Variants in DSCAM observed in about 807,000 individuals in gnomAD.
DSCAM encodes cell adhesion molecule DSCAM.
Under a neutral mutation model 217.7 loss-of-function variants are expected in DSCAM, and 47 were observed. The ratio of observed to expected loss-of-function variants is 0.22; its 90% CI spans 0.17 to 0.28. The LOEUF is 0.28. Among genes scored for constraint, DSCAM ranks in the 10% least tolerant of loss-of-function variants. DSCAM has a pLI of 1.00. For missense variants in DSCAM, 2,080 were observed against 2,618.3 expected, an observed-to-expected ratio of 0.79 and a Z score of 4.49; for synonymous variants, 1,056 against 1,015.3, an observed-to-expected ratio of 1.04 and a Z score of -0.76.
intron 3 of DSCAM, among the ~76,000 whole-genome samples, chr21:40,464,528 C>T (rs2075829116): frequency 6.6e-6 from 1 of 152,176 alleles, no homozygotes; most frequent in Non-Finnish European, 1.5e-5. Context: ...TCTACAAGCA[C>T]TGTCCAAGCA....
chr21:40,500,725 G>T (rs2076164239), intron 3 of DSCAM, among the ~76,000 whole-genome samples: 1 of 152,182 alleles, frequency 6.6e-6, no homozygotes. Context: ...GAGGGTTAGT[G>T]GGCAGGAGTG....
At chr21:40,409,093 A>G in intron 3 of DSCAM, among the ~76,000 whole-genome samples, 1 of 152,218 alleles carries the variant, frequency 6.6e-6, no homozygotes, top group East Asian at 1.9e-4. Context: ...TTAAATACCT[A>G]AGGGTGTATT....
chr21:40,080,175 A>G lies in DSCAM; in HGVS notation c.4397T>C (p.Ile1466Thr), dbSNP rs770311896. The G allele has an allele frequency of 1.5e-5, 24 of 1,577,414 alleles. No homozygotes were observed. Among genetic ancestry groups the G allele is most frequent in the East Asian group, 4.7e-5 (2 of 42,432 alleles). ...ACCTTTTCCTAAGGTCTTTGCTTCT[A>G]TGATTTCACTTATGCGCCCTGGGCC... is the stretch of plus-strand genomic sequence containing the variant. ...GVGPGRISEI[I>T]EAKTLGKEPQ... Residue 1466 changes from isoleucine to threonine, a missense_variant, in exon 25 of 33, where the codon ATA becomes ACA. This residue lies in a region of DSCAM where 1,144 missense variants were observed against 1,421.1 expected (regional missense o/e 0.81). Coordinates refer to ENST00000400454, the MANE Select transcript of DSCAM (RefSeq NM_001389.5).
chr21:40,032,472 C>A (rs1231018937), intron 32 of DSCAM, among the ~76,000 whole-genome samples: 5 of 152,084 alleles, frequency 3.3e-5, no homozygotes, highest in Non-Finnish European at 7.3e-5. Context: ...TGAGTACAAG[C>A]CAAGAATTGT....
intron 19 of DSCAM, among the ~76,000 whole-genome samples, chr21:40,124,585 T>G (rs2090074103): frequency 6.6e-6 from 1 of 152,118 alleles, no homozygotes; most frequent in East Asian, 1.9e-4. Flanking sequence ...CCTAATCCAG[T>G]ACTTCTGGTG....
intron 3 of DSCAM, among the ~76,000 whole-genome samples, chr21:40,590,549 T>C (rs1438212953): frequency 1.3e-5 from 2 of 152,188 alleles, no homozygotes; most frequent in African/African-American, 4.8e-5. Flanking sequence ...TGAGGTAACA[T>C]ATTTAAAGGA....
intron 10 of DSCAM, among the ~76,000 whole-genome samples, chr21:40,289,440 T>G (rs2123426031): frequency 6.6e-6 from 1 of 152,324 alleles, no homozygotes; most frequent in East Asian, 1.9e-4. Flanking sequence ...AATCTTTTTC[T>G]GGGGACATGG....
chr21:40,141,104 C>T (rs1367533769), intron 18 of DSCAM, among the ~76,000 whole-genome samples: 1 of 152,200 alleles, frequency 6.6e-6, no homozygotes, highest in Admixed American at 6.5e-5. Context: ...GCCAGTAATG[C>T]TTGTGCTGCT....
intron 1 of DSCAM, among the ~76,000 whole-genome samples, chr21:40,738,980 G>T (rs532926605): frequency 1.3e-5 from 2 of 152,272 alleles, no homozygotes; most frequent in South Asian, 4.1e-4. Context: ...GAAGAAGGGG[G>T]AGCATGAGTT....
At position 40,804,784 on chromosome 21, in the gene DSCAM, A is replaced by G. The variant is rs113089524; in HGVS notation, c.43+41835T>C. Among the ~76,000 whole-genome samples the G allele has an allele frequency of 1.0e-3, 157 of 152,098 alleles. 1 individual carries two copies. The highest frequency in any genetic ancestry group is 3.7e-3 in the African/African-American group (152 of 41,472). ...TGTGCTCTTTAGAGACCTCTACTATATCCATTGCTAAATTCCCATCTATAA... is the reference window on the plus strand; with the variant it reads ...TGTGCTCTTTAGAGACCTCTACTATGTCCATTGCTAAATTCCCATCTATAA... On this transcript the variant is annotated intron_variant, in intron 1 of 32. Transcript: ENST00000400454.
chr21:40,752,990 C>T (rs760738135), intron 1 of DSCAM, among the ~76,000 whole-genome samples: 3 of 150,498 alleles, frequency 2.0e-5, no homozygotes, highest in East Asian at 2.0e-4. Flanking sequence ...CACCCTGTCA[C>T]GTGGCCTGCA....
In DSCAM at chr21:40,087,209, A is replaced by G; in HGVS notation, c.3929T>C (p.Val1310Ala). The G allele has an allele frequency of 6.2e-7, 1 of 1,614,172 alleles. No individual in the cohort carries two copies. Among genetic ancestry groups the G allele is most frequent in the Non-Finnish European group, 8.5e-7 (1 of 1,179,990 alleles). ...TTTGACTGCAGGAGAAGGGTCCCCA[A>G]CAGCCTTACAAGGCAAGACAATGTC... ...MKDIVLPCKAVGDPSPAVKWM... is the reference protein window; with the variant it reads ...MKDIVLPCKAAGDPSPAVKWM... The change falls in exon 22 of 33, where the codon GTT becomes GCT. Residue 1310 changes from valine (V) to alanine (A), a missense_variant. Transcript: ENST00000400454.
At chr21:40,230,493 G>T (rs2091371819) in intron 11 of DSCAM, among the ~76,000 whole-genome samples, 2 of 152,000 alleles carry the variant, frequency 1.3e-5, no homozygotes, top group Non-Finnish European at 2.9e-5. Flanking sequence ...CAGTCATAGT[G>T]GCCCCTCTTT....
chr21:40,464,751 T>G (rs1363982312), intron 3 of DSCAM, among the ~76,000 whole-genome samples: 1 of 151,790 alleles, frequency 6.6e-6, no homozygotes, highest in Non-Finnish European at 1.5e-5. Flanking sequence ...ATCTTTTTTT[T>G]TTTTTTTTGA....
At chr21:40,273,105 T>C (rs1231709570) in intron 11 of DSCAM, among the ~76,000 whole-genome samples, 1 of 152,160 alleles carries the variant, frequency 6.6e-6, no homozygotes, top group Non-Finnish European at 1.5e-5. Context: ...CTGGAAATGC[T>C]CCTATGCACT....
intron 2 of DSCAM, among the ~76,000 whole-genome samples, chr21:40,699,160 G>T (rs2090628016): frequency 6.6e-6 from 1 of 152,044 alleles, no homozygotes; most frequent in Admixed American, 6.6e-5. Context: ...CTGTTACGGT[G>T]ATCATTGATC....
rs145506454 is a variant in DSCAM, at chr21:40,388,708, A to C, written c.509-19463T>G. ...TATTTGATACAACTCTAAGCACTGC[A>C]AACTTCACATTCTGGAAAGTGTGTT... On this transcript the variant is annotated intron_variant, in intron 3 of 32. Coordinates refer to ENST00000400454, the MANE Select transcript of DSCAM (RefSeq NM_001389.5). Among the ~76,000 whole-genome samples the C allele has an allele frequency of 1.6e-3, 242 of 152,330 alleles. 2 individuals are homozygous for C. Among genetic ancestry groups the C allele is most frequent in the African/African-American group, 5.5e-3 (227 of 41,578 alleles).
intron 11 of DSCAM, among the ~76,000 whole-genome samples, chr21:40,215,961 T>TTG (rs980570010): frequency 6.6e-6 from 1 of 151,870 alleles, no homozygotes; most frequent in African/African-American, 2.4e-5. Context: ...AAAAACAACT[T>TTG]TGGTATTTGT....
intron 3 of DSCAM, among the ~76,000 whole-genome samples, chr21:40,554,242 T>C (rs567199223): frequency 4.0e-5 from 6 of 151,748 alleles, no homozygotes; most frequent in Admixed American, 6.6e-5. Flanking sequence ...ATTAAACGAA[T>C]TAAAAACATT....
Sources: allele counts gnomAD v4.1 joint callset (sites outside exome capture counted in the v4.1 genomes callset), GRCh38; gene constraint gnomAD v4.1.1; regional missense constraint gnomAD v4.1.1; transcripts MANE v1.5; gene names NCBI Gene and HGNC (gene_info 2026-07-23, HGNC 2026-07-21).